The following GPHN variants were observed in gnomAD, a reference collection of about 807,000 sequenced individuals.
GPHN encodes the protein gephyrin.
In GPHN, 17 loss-of-function variants were observed where a neutral mutation model predicts 95.5. The observed-to-expected ratio is 0.18, with a 90% confidence interval of 0.12 to 0.27. The LOEUF (loss-of-function observed/expected upper bound fraction) is 0.27. GPHN is among the 10% of genes least tolerant of loss of function. The pLI is 1.00. For synonymous variants in GPHN, 320 were observed against 322.5 expected (o/e 0.99, Z 0.08); for missense variants, 660 against 978.1 (o/e 0.67, Z 4.34).
At position 66,633,458 on chromosome 14, in the gene GPHN, C is replaced by T. The variant is rs115532776; in HGVS notation, c.65-47649C>T. 6.3e-3 allele frequency among the ~76,000 whole-genome samples: 960 copies of T among 152,180 alleles called. 12 individuals are homozygous for T. Among genetic ancestry groups the T allele is most frequent in the African/African-American group, 0.022 (906 of 41,528 alleles). ...GGAATTTTGCATTTTACTGTATACT[C>T]TTTCTGTTTGGCTTCATTTTAGTTT... On this transcript the variant is annotated intron_variant, in intron 1 of 22. Transcript: ENST00000478722.
At chr14:67,657,804 A>AGTGGC in the GPHN span, among the ~76,000 whole-genome samples, 2 of 139,394 alleles carry the variant, frequency 1.4e-5, no homozygotes, top group Non-Finnish European at 3.0e-5. Context: ...GCTGGAGTGG[A>AGTGGC]GTGGCAAGAT....
intron 11 of GPHN, among the ~76,000 whole-genome samples, chr14:67,071,398 C>T (rs2076300597): frequency 6.6e-6 from 1 of 151,970 alleles, no homozygotes; most frequent in Admixed American, 6.6e-5. Context: ...AAACCAAACA[C>T]CGCATGTTCT....
the GPHN span, among the ~76,000 whole-genome samples, chr14:67,396,570 T>C: frequency 1.1e-5 from 1 of 92,466 alleles, no homozygotes; most frequent in South Asian, 3.8e-4. Context: ...TTGACCACAC[T>C]GGAGGCCCTT....
At chr14:67,594,998 G>A in the GPHN span, among the ~76,000 whole-genome samples, 4 of 152,018 alleles carry the variant, frequency 2.6e-5, no homozygotes, top group Non-Finnish European at 5.9e-5. Context: ...TTAGCCGGGC[G>A]TAGTGGCAGG....
the GPHN span, chr14:67,323,649 G>A: frequency 3.3e-6 from 2 of 615,360 alleles, no homozygotes; most frequent in Admixed American, 6.3e-5. Flanking sequence ...AGTATTATTA[G>A]GAAGTAATTA....
the GPHN span, among the ~76,000 whole-genome samples, chr14:67,284,171 T>C: frequency 6.6e-6 from 1 of 152,142 alleles, no homozygotes; most frequent in Admixed American, 6.6e-5. Context: ...TCTAACTCTG[T>C]AGTCCATAAA....
chr14:66,704,072 A>G (rs2068829969), intron 2 of GPHN, among the ~76,000 whole-genome samples: 1 of 152,176 alleles, frequency 6.6e-6, no homozygotes, highest in African/African-American at 2.4e-5. Context: ...AAAGACAAAG[A>G]AGGGCATTAC....
At chr14:67,568,434 G>A in the GPHN span, among the ~76,000 whole-genome samples, 1 of 151,990 alleles carries the variant, frequency 6.6e-6, no homozygotes, top group Non-Finnish European at 1.5e-5. Flanking sequence ...ATACTTAGTG[G>A]GGCCTGTCAG....
the GPHN span, among the ~76,000 whole-genome samples, chr14:67,730,908 G>A: frequency 6.6e-6 from 1 of 151,910 alleles, no homozygotes; most frequent in Non-Finnish European, 1.5e-5. Context: ...CCAGCCCCAA[G>A]CATTTCTGAT....
At chr14:67,032,507 G>A (rs1271104386) in intron 10 of GPHN, among the ~76,000 whole-genome samples, 3 of 152,142 alleles carry the variant, frequency 2.0e-5, no homozygotes, top group Admixed American at 1.3e-4. Context: ...TTGCCTCACT[G>A]GGGTGGTAAC....
chr14:67,604,012 T>TTTTTTA, the GPHN span, among the ~76,000 whole-genome samples: 8 of 151,964 alleles, frequency 5.3e-5, no homozygotes, highest in East Asian at 1.9e-4. Context: ...GTTTTTTTTT[T>TTTTTTA]GAGACAGTCT....
At chr14:67,359,648 C>T in the GPHN span, 5 of 1,613,974 alleles carry the variant, frequency 3.1e-6, no homozygotes, top group Non-Finnish European at 4.2e-6. Flanking sequence ...TATCCCATTC[C>T]TTTACTTACA....
At chr14:67,547,605 G>A in the GPHN span, among the ~76,000 whole-genome samples, 2 of 152,212 alleles carry the variant, frequency 1.3e-5, no homozygotes, top group South Asian at 4.2e-4. Context: ...CATTACATGG[G>A]CTGATGACTG....
chr14:67,622,242 C>T, the GPHN span, among the ~76,000 whole-genome samples: 8 of 152,188 alleles, frequency 5.3e-5, no homozygotes, highest in East Asian at 3.8e-4. Flanking sequence ...TGAGGCAGCA[C>T]GGAGATTATG....
the GPHN span, chr14:67,473,876 A>T: frequency 6.2e-7 from 1 of 1,611,842 alleles, no homozygotes; most frequent in South Asian, 1.1e-5. The surrounding 1 kb of genome is among the most constrained non-coding windows in gnomAD (Gnocchi z 6.5). Flanking sequence ...CGTGGATGGC[A>T]TACAGGTACC....
chr14:66,552,992 TC>T (rs1340440425), intron 1 of GPHN, among the ~76,000 whole-genome samples: 51 of 151,834 alleles, frequency 3.4e-4, no homozygotes, highest in African/African-American at 1.1e-3. Context: ...TCTTTTCTTT[TC>T]TTTTTTCTTT....
At chr14:67,027,270 T>TA (rs2073975262) in intron 10 of GPHN, among the ~76,000 whole-genome samples, 1 of 152,158 alleles carries the variant, frequency 6.6e-6, no homozygotes, top group African/African-American at 2.4e-5. Context: ...TCAAGTAAAA[T>TA]AAAAAAATTT....
chr14:67,241,483 A>T, the GPHN span: 1 of 152,042 alleles, frequency 6.6e-6, no homozygotes, highest in African/African-American at 2.4e-5. Flanking sequence ...TCGCTTCTGC[A>T]GTGCGTAGGA....
chr14:66,886,043 C>T (rs2064171615), intron 5 of GPHN, among the ~76,000 whole-genome samples: 1 of 151,986 alleles, frequency 6.6e-6, no homozygotes, highest in South Asian at 2.1e-4. Context: ...GGCTTTAAAA[C>T]AACTATCTTA....
Sources: allele counts gnomAD v4.1 joint callset (sites outside exome capture counted in the v4.1 genomes callset), GRCh38; gene constraint gnomAD v4.1.1; non-coding constraint Gnocchi (gnomAD v3.1); transcripts MANE v1.5; gene names NCBI Gene and HGNC (gene_info 2026-07-23, HGNC 2026-07-21).